The following STX11 variants were observed in gnomAD, a reference collection of about 807,000 sequenced individuals.
STX11 encodes the protein syntaxin 11.
STX11 carries 21 observed loss-of-function variants against 19.9 expected under a neutral mutation model. That is an observed-to-expected ratio of 1.06 (90% CI 0.75 to 1.52). The LOEUF is 1.52. Among genes scored for constraint, STX11 ranks in the 40% most tolerant of loss-of-function variants. The pLI is 0.00. For synonymous variants in STX11, 193 were observed against 174.4 expected (o/e 1.11, Z -0.84); for missense variants, 438 against 405.9 (o/e 1.08, Z -0.68).
At chr6:144,143,404 G>T in the STX11 span, among the ~76,000 whole-genome samples, 1 of 152,220 alleles carries the variant, frequency 6.6e-6, no homozygotes, top group East Asian at 1.9e-4. Flanking sequence ...TCAAGCAGAG[G>T]TTTTAAATAA....
Position 144,160,772 on chromosome 6 carries a change from G to T in STX11, c.-6+10069G>T, listed in dbSNP as rs377534901. ...CACCATTCAGCATCTTGACCACAAA[G>T]ACACCAAAAAAACTGGAACTATAAA... On this transcript the variant is annotated intron_variant, in intron 1 of 1. Coordinates refer to ENST00000367568, the MANE Select transcript of STX11 (RefSeq NM_003764.4). This position sits in a 1 kb window ranked among gnomAD's most constrained non-coding sequence, Gnocchi z 4.3. Among the ~76,000 whole-genome samples, 75 of 152,176 alleles carry T rather than the reference G, an allele frequency of 4.9e-4. No individual in the cohort carries two copies. In the East Asian group the frequency reaches 8.5e-3, roughly 17 times the overall value.
the STX11 span, among the ~76,000 whole-genome samples, chr6:144,140,234 ATATATATATATATATATATATT>A: frequency 1.6e-3 from 78 of 49,566 alleles, no homozygotes; most frequent in Middle Eastern, 7.4e-3. Context: ...ATATATATAT[ATATATATATATATATATATATT>A]TATTTATTTA....
chr6:144,152,442 T>G lies in STX11; in HGVS notation c.-6+1739T>G, dbSNP rs1007864224. Among the ~76,000 whole-genome samples the G allele has an allele frequency of 9.2e-5, 14 of 152,176 alleles. No individual in the cohort carries two copies. Among genetic ancestry groups the G allele is most frequent in the African/African-American group, 3.4e-4 (14 of 41,430 alleles). ...TCTTTGTAGGCAGCCTATTCTTCAT[T>G]TGATACATGATTTAAAAATGTATGA... On this transcript the variant is annotated intron_variant, in intron 1 of 1. Coordinates refer to ENST00000367568, the MANE Select transcript of STX11 (RefSeq NM_003764.4). This position sits in a 1 kb window ranked among gnomAD's most constrained non-coding sequence, Gnocchi z 4.9.
chr6:144,188,179 A>G lies in STX11; in HGVS notation c.*688A>G. On this transcript the variant is annotated 3_prime_UTR_variant, in exon 2 of 2. Coordinates refer to ENST00000367568, the MANE Select transcript of STX11 (RefSeq NM_003764.4). ...AGCACTGAATATCGAACAAGCACTC[A>G]AATTGAAGTATCAGTCATGTTTTGT... 1 of 238,114 alleles carries G rather than the reference A, an allele frequency of 4.2e-6. No individual in the cohort carries two copies. Among genetic ancestry groups the G allele is most frequent in the Non-Finnish European group, 8.9e-6 (1 of 112,162 alleles). 14.8% of individuals were successfully genotyped at this position (238,114 alleles called of 1,614,324 possible).
In STX11 at chr6:144,172,609, T is replaced by C. The variant is rs1356497216; in HGVS notation, c.-5-14014T>C. On this transcript the variant is annotated intron_variant, in intron 1 of 1. Coordinates refer to ENST00000367568, the MANE Select transcript of STX11 (RefSeq NM_003764.4). This position sits in a 1 kb window ranked among gnomAD's most constrained non-coding sequence, Gnocchi z 4.2. ...TTGTTGTAATCAAGTATAGTCTGTC[T>C]CTGACAAAAATTATTCACATTTCTT... Among the ~76,000 whole-genome samples the C allele has an allele frequency of 6.6e-6, 1 of 152,200 alleles. No homozygotes were observed. The highest frequency in any genetic ancestry group is 6.5e-5 in the Admixed American group (1 of 15,282).
Position 144,151,156 on chromosome 6 carries a change from A to T in STX11, c.-6+453A>T. 1 of 847,054 alleles carries T rather than the reference A, an allele frequency of 1.2e-6. No homozygotes were observed. Among genetic ancestry groups the T allele is most frequent in the East Asian group, 1.2e-4 (1 of 8,164 alleles). 52.5% of individuals were successfully genotyped at this position (847,054 alleles called of 1,614,324 possible). A position where few individuals can be genotyped will look rare whatever the true frequency, so the allele number is the denominator to read the frequency against. ...TTCTTGACTTGAACTTGGCGGTGTC[A>T]CTCAGTAGCCAGGAAAGACGGAGAA... On this transcript the variant is annotated intron_variant, in intron 1 of 1. Coordinates refer to ENST00000367568, the MANE Select transcript of STX11 (RefSeq NM_003764.4). This position sits in a 1 kb window ranked among gnomAD's most constrained non-coding sequence, Gnocchi z 4.6.
chr6:144,147,165 T>TA (rs201004512), upstream of STX11, among the ~76,000 whole-genome samples: 1,157 of 143,032 alleles, frequency 8.1e-3, 5 homozygotes, highest in East Asian at 0.046. The surrounding 1 kb of genome is among the most constrained non-coding windows in gnomAD (Gnocchi z 4.2). Flanking sequence ...AGCTTCTAAT[T>TA]AAAAAAAAAA....
rs773766404 is a variant in STX11, at chr6:144,170,030, C to A, written c.-5-16593C>A. On this transcript the variant is annotated intron_variant, in intron 1 of 1. Transcript: ENST00000367568. This position sits in a 1 kb window ranked among gnomAD's most constrained non-coding sequence, Gnocchi z 4.7. Reference sequence around the variant, plus strand: ...GTTCATCATTTTCAGGATGGAACTTCAACAATTTATCTTTTTGTTTCTTCA... The same window carrying A: ...GTTCATCATTTTCAGGATGGAACTTAAACAATTTATCTTTTTGTTTCTTCA... Among the ~76,000 whole-genome samples the A allele has an allele frequency of 2.0e-5, 3 of 152,130 alleles. No homozygotes were observed. Among genetic ancestry groups the A allele is most frequent in the Non-Finnish European group, 4.4e-5 (3 of 68,026 alleles).
intron 1 of STX11, among the ~76,000 whole-genome samples, chr6:144,158,447 G>A (rs866146865): frequency 3.9e-5 from 6 of 152,208 alleles, no homozygotes; most frequent in Non-Finnish European, 7.3e-5. Context: ...GCAGATGGGG[G>A]ATGGGAATCA....
intron 1 of STX11, among the ~76,000 whole-genome samples, chr6:144,171,701 T>TA (rs1246363454): frequency 7.5e-6 from 1 of 133,916 alleles, no homozygotes; most frequent in Non-Finnish European, 1.5e-5. Flanking sequence ...GTGTGTGAGA[T>TA]AATCTTTTTT....
chr6:144,140,209 C>CATATATATATATAT, the STX11 span, among the ~76,000 whole-genome samples: 15 of 44,426 alleles, frequency 3.4e-4, no homozygotes, highest in East Asian at 9.2e-4. Context: ...GGTCAATTCA[C>CATATATATATATAT]ATATATATAT....
chr6:144,148,035 C>T (rs1283958900), upstream of STX11, among the ~76,000 whole-genome samples: 7 of 152,196 alleles, frequency 4.6e-5, no homozygotes, highest in African/African-American at 1.4e-4. Context: ...CTTTCTAACT[C>T]GTTGGCCTGT....
At chr6:144,185,912 G>A (rs1802015713) in intron 1 of STX11, among the ~76,000 whole-genome samples, 1 of 152,054 alleles carries the variant, frequency 6.6e-6, no homozygotes, top group African/African-American at 2.4e-5. Flanking sequence ...TGTTTTAAGA[G>A]TTGTTAGTGT....
rs1354243379 is a variant in STX11, at chr6:144,165,178, G to T, written c.-6+14475G>T. Among the ~76,000 whole-genome samples the T allele has an allele frequency of 6.6e-6, 1 of 152,036 alleles. No homozygotes were observed. Among genetic ancestry groups the T allele is most frequent in the Non-Finnish European group, 1.5e-5 (1 of 68,008 alleles). ...CTTTGAAGAAAAATTTTCTTGGCCG[G>T]GCGCGGTGGCTCACGCCTGTAATCC... On this transcript the variant is annotated intron_variant, in intron 1 of 1. Coordinates refer to ENST00000367568, the MANE Select transcript of STX11 (RefSeq NM_003764.4). This position sits in a 1 kb window ranked among gnomAD's most constrained non-coding sequence, Gnocchi z 5.8.
rs1052485961 is a variant in STX11, at chr6:144,167,501, G to C, written c.-6+16798G>C. ...GTACATTGAACCATCAGAAAACAAA[G>C]GTGTCACTATCTCAGGCACCCACGT... On this transcript the variant is annotated intron_variant, in intron 1 of 1. Transcript: ENST00000367568. This position sits in a 1 kb window ranked among gnomAD's most constrained non-coding sequence, Gnocchi z 5.0. Among the ~76,000 whole-genome samples the C allele has an allele frequency of 6.6e-6, 1 of 152,190 alleles. No individual in the cohort carries two copies. Among genetic ancestry groups the C allele is most frequent in the African/African-American group, 2.4e-5 (1 of 41,442 alleles).
In STX11 at chr6:144,187,110, C is replaced by T. The variant is rs1335062311; in HGVS notation, c.483C>T (p.Ile161=). ...AGCGCGACAACTGCAAGATCCGCAT[C>T]CAGCGCCAGCTGGAGATCATGGGCA... is the stretch of plus-strand genomic sequence containing the variant. The part of the protein sequence containing the change: ...MKQRDNCKIR[I]QRQLEIMGKE... Residue 161 remains isoleucine, a synonymous_variant, in exon 2 of 2, where the codon ATC becomes ATT. Coordinates refer to ENST00000367568, the MANE Select transcript of STX11 (RefSeq NM_003764.4). This position sits in a 1 kb window ranked among gnomAD's most constrained non-coding sequence, Gnocchi z 5.6. 3 of 1,613,918 alleles carry T rather than the reference C, an allele frequency of 1.9e-6. No individual in the cohort carries two copies. Among genetic ancestry groups the T allele is most frequent in the Admixed American group, 3.3e-5 (2 of 60,034 alleles).
chr6:144,150,710 T>TTTTCTCTTCCTGAGCCCCCA lies in STX11; in HGVS notation c.-6+21_-6+40dup, dbSNP rs1190806578. ...ACTCTCGCTCCCAGTCCAGGTTTGT[T>TTTTCTCTTCCTGAGCCCCCA]TTTCTCTTCCTGAGCCCCCATTTCT... On this transcript the variant is annotated splice_region_variant and intron_variant, in intron 1 of 1. Coordinates refer to ENST00000367568, the MANE Select transcript of STX11 (RefSeq NM_003764.4). 3.0e-6 allele frequency: 3 copies of TTTTCTCTTCCTGAGCCCCCA among 984,872 alleles called. No individual in the cohort carries two copies. In the African/African-American group the frequency reaches 5.3e-5, roughly 17 times the overall value. The allele number at this position is 984,872 out of a possible 1,614,324, so 61.0% of individuals were successfully genotyped here.
chr6:144,174,491 T>G lies in STX11; in HGVS notation c.-5-12132T>G, dbSNP rs1236761065. Among the ~76,000 whole-genome samples, 1 of 152,104 alleles carries G rather than the reference T, an allele frequency of 6.6e-6. No individual in the cohort carries two copies. The highest frequency in any genetic ancestry group is 1.9e-4 in the East Asian group (1 of 5,186). ...TTCAAGCGATCTTCCAGCCTTAGCC[T>G]CCCGAGTAGCTGGGACTGCAGGTGT... On this transcript the variant is annotated intron_variant, in intron 1 of 1. Coordinates refer to ENST00000367568, the MANE Select transcript of STX11 (RefSeq NM_003764.4). The surrounding 1 kb of genome is among the most constrained non-coding windows in gnomAD (Gnocchi z 5.3).
chr6:144,156,574 C>A (rs9321964), intron 1 of STX11, among the ~76,000 whole-genome samples: 2 of 152,102 alleles, frequency 1.3e-5, no homozygotes, highest in African/African-American at 4.8e-5. Context: ...TTTTATCTTC[C>A]TATGGAAACA....
Sources: allele counts gnomAD v4.1 joint callset (sites outside exome capture counted in the v4.1 genomes callset), GRCh38; gene constraint gnomAD v4.1.1; non-coding constraint Gnocchi (gnomAD v3.1); transcripts MANE v1.5; gene names NCBI Gene and HGNC (gene_info 2026-07-23, HGNC 2026-07-21).